The following CYSTM1 variants were observed in gnomAD, a reference collection of about 807,000 sequenced individuals.
The protein encoded by CYSTM1 is cysteine rich transmembrane module containing 1, also known as cysteine-rich transmembrane module-containing protein 1.
A neutral mutation model predicts 13.1 loss-of-function variants in CYSTM1; 4 were observed. The observed-to-expected ratio is 0.31, with a 90% CI of 0.15 to 0.70. The LOEUF (loss-of-function observed/expected upper bound fraction) is 0.70. CYSTM1 is among the 30% of genes least tolerant of loss of function. The pLI is 0.72. For missense variants in CYSTM1, 96 were observed against 121.6 expected (o/e 0.79, Z 0.99); for synonymous variants, 36 against 42.7 (o/e 0.84, Z 0.62).
At chr5:140,192,922 T>C (rs1049859841) in intron 1 of CYSTM1, among the ~76,000 whole-genome samples, 12 of 152,142 alleles carry the variant, frequency 7.9e-5, no homozygotes, top group Non-Finnish European at 2.9e-5. Context: ...ACCTGACTCC[T>C]GTTAGGAAGG....
intron 1 of CYSTM1, among the ~76,000 whole-genome samples, chr5:140,183,831 G>A (rs894483230): frequency 6.6e-6 from 1 of 152,198 alleles, no homozygotes; most frequent in African/African-American, 2.4e-5. Context: ...CCTTGGGTGA[G>A]GTTAGCCTGG....
chr5:140,231,394 T>C (rs528573436), intron 2 of CYSTM1, among the ~76,000 whole-genome samples: 5 of 152,280 alleles, frequency 3.3e-5, no homozygotes, highest in African/African-American at 1.2e-4. Flanking sequence ...CTATGCATGC[T>C]CCAGGGAAAC....
chr5:140,187,981 G>A (rs1764038319), intron 1 of CYSTM1, among the ~76,000 whole-genome samples: 2 of 151,384 alleles, frequency 1.3e-5, no homozygotes, highest in Non-Finnish European at 2.9e-5. Context: ...ATTAACAAGA[G>A]GAAAATAAGT....
chr5:140,210,907 T>G (rs1472386180), intron 2 of CYSTM1, among the ~76,000 whole-genome samples: 1 of 152,160 alleles, frequency 6.6e-6, no homozygotes, highest in African/African-American at 2.4e-5. Context: ...TACATGACTT[T>G]TTCTGATGGC....
rs1445164354 is a variant in CYSTM1, at chr5:140,175,702, G to A, written c.-21+417G>A. Reference sequence around the variant, plus strand: ...TCTGAGGCGCTGCTCTGCCTATTCCGAGCTGGGCCAGCCGGGGGCAGGGGG... The same window carrying A: ...TCTGAGGCGCTGCTCTGCCTATTCCAAGCTGGGCCAGCCGGGGGCAGGGGG... On this transcript the variant is annotated intron_variant, in intron 1 of 2. Transcript: ENST00000261811. This position sits in a 1 kb window ranked among gnomAD's most constrained non-coding sequence, Gnocchi z 4.9. Among the ~76,000 whole-genome samples the A allele has an allele frequency of 6.6e-6, 1 of 152,228 alleles. No individual in the cohort carries two copies. Among genetic ancestry groups the A allele is most frequent in the Non-Finnish European group, 1.5e-5 (1 of 68,042 alleles).
intron 2 of CYSTM1, among the ~76,000 whole-genome samples, chr5:140,206,979 C>T (rs1764306256): frequency 6.6e-6 from 1 of 152,142 alleles, no homozygotes; most frequent in African/African-American, 2.4e-5. Context: ...AACTTTCCCC[C>T]TTCCTTTCAC....
chr5:140,209,149 T>A (rs1277703594), intron 2 of CYSTM1, among the ~76,000 whole-genome samples: 1 of 152,022 alleles, frequency 6.6e-6, no homozygotes, highest in Non-Finnish European at 1.5e-5. Flanking sequence ...TGATTCAAGA[T>A]GAAGAAGAGT....
In CYSTM1 at chr5:140,240,210, C is replaced by T. The variant is rs147563728; in HGVS notation, c.188-3095C>T. On this transcript the variant is annotated intron_variant, in intron 2 of 2. Transcript: ENST00000261811. ...TCTTTTAACCCCTCTCCCTTTTTTC[C>T]GTCTTTTTAAAAAGGTTTATATTTT... is the stretch of plus-strand genomic sequence containing the variant. Among the ~76,000 whole-genome samples the T allele has an allele frequency of 1.7e-3, 259 of 152,184 alleles. 1 individual carries two copies. The highest frequency in any genetic ancestry group is 6.0e-3 in the African/African-American group (248 of 41,502).
intron 2 of CYSTM1, among the ~76,000 whole-genome samples, chr5:140,237,365 G>A (rs1466695042): frequency 1.3e-5 from 2 of 152,236 alleles, no homozygotes; most frequent in African/African-American, 2.4e-5. Context: ...CCAAGATGCT[G>A]TCTGATTTGA....
chr5:140,206,458 G>A (rs922181874), intron 2 of CYSTM1, among the ~76,000 whole-genome samples: 20 of 151,934 alleles, frequency 1.3e-4, no homozygotes, highest in Admixed American at 6.6e-4. Context: ...AATCTCCTCG[G>A]GCTGCTCAGG....
intron 2 of CYSTM1, among the ~76,000 whole-genome samples, chr5:140,210,049 G>A (rs1028972642): frequency 6.6e-6 from 1 of 151,958 alleles, no homozygotes; most frequent in African/African-American, 2.4e-5. Flanking sequence ...CTCTTTTTCT[G>A]GTCCTTAAAC....
rs1380556501 is a variant in CYSTM1 at position 140,225,950 on chromosome 5, G to A, written c.188-17355G>A. Among the ~76,000 whole-genome samples the A allele has an allele frequency of 2.0e-5, 3 of 152,188 alleles. No homozygotes were observed. In the East Asian group the frequency reaches 5.8e-4, roughly 29 times the overall value. On this transcript the variant is annotated intron_variant, in intron 2 of 2. Transcript: ENST00000261811. ...GCCCCTTGCTCCTAGAATAGCCTGT[G>A]ACTCTGACTCCCAGCCTCCTGTTTA...
At chr5:140,232,986 G>A (rs1322769091) in intron 2 of CYSTM1, among the ~76,000 whole-genome samples, 1 of 152,116 alleles carries the variant, frequency 6.6e-6, no homozygotes, top group Non-Finnish European at 1.5e-5. Flanking sequence ...CATGCCCTGG[G>A]GAGGTCCTTC....
chr5:140,240,765 T>C (rs1453134257), intron 2 of CYSTM1, among the ~76,000 whole-genome samples: 1 of 152,048 alleles, frequency 6.6e-6, no homozygotes, highest in African/African-American at 2.4e-5. Flanking sequence ...TGAAGAACTG[T>C]GAGGGCTGCC....
intron 2 of CYSTM1, among the ~76,000 whole-genome samples, chr5:140,212,470 T>G (rs1341001463): frequency 1.3e-5 from 2 of 152,090 alleles, no homozygotes; most frequent in Non-Finnish European, 2.9e-5. Flanking sequence ...AATGACTGTG[T>G]TACTGGCTTA....
chr5:140,242,599 G>A (rs1764764090), intron 2 of CYSTM1, among the ~76,000 whole-genome samples: 1 of 152,116 alleles, frequency 6.6e-6, no homozygotes, highest in African/African-American at 2.4e-5. Context: ...TGGGTAGTTG[G>A]GGTCCTTCTT....
At chr5:140,201,086 G>A (rs1428630143) in intron 2 of CYSTM1, 1 of 152,142 alleles carries the variant, frequency 6.6e-6, no homozygotes, top group Non-Finnish European at 1.5e-5. Context: ...TTCATTGGTT[G>A]ATGGGCATTT....
chr5:140,190,590 T>G (rs1222087585), intron 1 of CYSTM1, among the ~76,000 whole-genome samples: 1 of 152,094 alleles, frequency 6.6e-6, no homozygotes, highest in East Asian at 1.9e-4. Context: ...GTCTTGTAAT[T>G]TAAAAAAAAC....
At chr5:140,227,897 T>C (rs1479060016) in intron 2 of CYSTM1, among the ~76,000 whole-genome samples, 2 of 152,216 alleles carry the variant, frequency 1.3e-5, no homozygotes, top group Non-Finnish European at 1.5e-5. Flanking sequence ...CCCTGACCTT[T>C]AAGTTCTTGT....
Sources: gnomAD v4.1 joint callset for allele counts (sites outside exome capture counted in the v4.1 genomes callset) on GRCh38, gnomAD v4.1.1 for gene constraint, Gnocchi (gnomAD v3.1) non-coding constraint, MANE v1.5 for transcripts, NCBI Gene and HGNC (gene_info 2026-07-23, HGNC 2026-07-21) for gene names.